Variants in PSMC3IP observed in about 807,000 individuals in gnomAD.
The protein encoded by PSMC3IP is homologous-pairing protein 2 homolog.
A neutral mutation model predicts 34.9 loss-of-function variants in PSMC3IP; 26 were observed. That is an observed-to-expected ratio of 0.74 (90% CI 0.55 to 1.03). PSMC3IP has a LOEUF of 1.03. Ranked by LOEUF, PSMC3IP falls within the 50% of genes least tolerant of loss-of-function variation. The probability of loss-of-function intolerance (pLI) is 0.00; values close to 1 mark genes in which losing one functional copy is unlikely to be tolerated. For missense variants in PSMC3IP, 250 were observed against 263.1 expected (o/e 0.95, Z 0.34); for synonymous variants, 87 against 96.5 (o/e 0.90, Z 0.57).
intron 4 of PSMC3IP, 132 bp from the exon 5 acceptor site, chr17:42,573,755 ATTAT>A (rs2093053618): frequency 1.3e-6 from 2 of 1,506,180 alleles, no homozygotes; most frequent in Non-Finnish European, 1.8e-6. Flanking sequence ...GCCATACAGG[ATTAT>A]TTATTCTTCT....
At chr17:42,574,391 C>A in intron 3 of PSMC3IP, 181 bp from the exon 4 acceptor site, 1 of 1,405,238 alleles carries the variant, frequency 7.1e-7, no homozygotes, top group South Asian at 1.4e-5. Flanking sequence ...AGGAGCGGCC[C>A]CACTAAAAAG....
chr17:42,573,472 G>A lies in PSMC3IP; in HGVS notation c.483+6C>T, dbSNP rs201417567. The A allele has an allele frequency of 4.2e-4, 685 of 1,614,236 alleles. 1 individual carries two copies. Among genetic ancestry groups the A allele is most frequent in the Admixed American group, 1.9e-3 (116 of 60,030 alleles). ...TGCACAGCGGTCCTACAGCCTTCCA[G>A]CTCACCTGCTCTTTCTCTTCTGGAG... On this transcript the variant is annotated splice_donor_region_variant and intron_variant, in intron 5 of 7. Coordinates refer to ENST00000393795, the MANE Select transcript of PSMC3IP (RefSeq NM_016556.4).
Position 42,572,916 on chromosome 17 carries a change from A to C in PSMC3IP, c.*52T>G. On this transcript the variant is annotated 3_prime_UTR_variant, in exon 8 of 8. Coordinates refer to ENST00000393795, the MANE Select transcript of PSMC3IP (RefSeq NM_016556.4). ...AAAAACAAGGTAGCCAGTGCAAGAC[A>C]TCTCACTCTTCTGACATCCTGCAGT... 1 of 1,594,954 alleles carries C rather than the reference A, an allele frequency of 6.3e-7. No individual in the cohort carries two copies. The highest frequency in any genetic ancestry group is 8.6e-7 in the Non-Finnish European group (1 of 1,163,740).
At position 42,576,785 on chromosome 17, in the gene PSMC3IP, G is replaced by C. The variant is rs115270305; in HGVS notation, c.225+428C>G. 593 of 283,272 alleles carry C rather than the reference G, an allele frequency of 2.1e-3. 3 individuals are homozygous for C. The highest frequency in any genetic ancestry group is 0.012 in the African/African-American group (560 of 45,476). 17.5% of individuals were successfully genotyped at this position (283,272 alleles called of 1,614,324 possible). ...TGTTAGAAAGAAACCAGTCCGGGGT[G>C]GGGGGAAGATGAGGCATTCTACTGT... On this transcript the variant is annotated intron_variant, in intron 3 of 7. Coordinates refer to ENST00000393795, the MANE Select transcript of PSMC3IP (RefSeq NM_016556.4).
At chr17:42,574,069 G>GGACTTAGGTAGGGACTTAGGA (rs2093056372) in intron 4 of PSMC3IP, 30 bp downstream of exon 4, 3 of 1,613,202 alleles carry the variant, frequency 1.9e-6, no homozygotes, top group Non-Finnish European at 8.5e-7. Context: ...CTAAGCCTAT[G>GGACTTAGGTAGGGACTTAGGA]GGCACTTTGG....
chr17:42,576,926 T>A (rs1319922555), intron 3 of PSMC3IP: 1 of 481,158 alleles, frequency 2.1e-6, no homozygotes, highest in East Asian at 5.2e-5. Flanking sequence ...GGAACATCAT[T>A]TGGCAGAGGG....
rs1567911595 is a variant in PSMC3IP at position 42,572,881 on chromosome 17, A to C, written c.*87T>G. On this transcript the variant is annotated 3_prime_UTR_variant, in exon 8 of 8. Transcript: ENST00000393795. ...GGTGAAAGTAGCAGGAACAACAACA[A>C]AAGCCAACCAAAAACAAGGTAGCCA... 1 of 1,507,740 alleles carries C rather than the reference A, an allele frequency of 6.6e-7. No homozygotes were observed. 93.4% of individuals were successfully genotyped at this position (1,507,740 alleles called of 1,614,324 possible).
At chr17:42,573,763 T>A in intron 4 of PSMC3IP, 140 bp from the exon 5 acceptor site, 3 of 1,497,150 alleles carry the variant, frequency 2.0e-6, no homozygotes, top group Non-Finnish European at 2.7e-6. Context: ...GGATTATTTA[T>A]TCTTCTAATT....
rs758608102 is a variant in PSMC3IP, at chr17:42,573,366, T to C, written c.484-2A>G. On this transcript the variant is annotated splice_acceptor_variant, in intron 5 of 7. Coordinates refer to ENST00000393795, the MANE Select transcript of PSMC3IP (RefSeq NM_016556.4). LOFTEE classifies it high-confidence loss of function. ...GTACTTCTGCCTCTCTCTGTACACC[T>C]AGAAGGAAAAAGCAAGTTCCTCTAA... 1 of 1,614,138 alleles carries C rather than the reference T, an allele frequency of 6.2e-7. No homozygotes were observed. Among genetic ancestry groups the C allele is most frequent in the Admixed American group, 1.7e-5 (1 of 60,016 alleles).
chr17:42,573,383 T>C lies in PSMC3IP; in HGVS notation c.484-19A>G, dbSNP rs2093049747. 6.2e-7 allele frequency: 1 copy of C among 1,614,186 alleles called. No homozygotes were observed. Among genetic ancestry groups the C allele is most frequent in the Non-Finnish European group, 8.5e-7 (1 of 1,180,022 alleles). Reference sequence around the variant, plus strand: ...TGTACACCTAGAAGGAAAAAGCAAGTTCCTCTAACTCCTCAGAACCACAGC... The same window carrying C: ...TGTACACCTAGAAGGAAAAAGCAAGCTCCTCTAACTCCTCAGAACCACAGC... On this transcript the variant is annotated intron_variant, in intron 5 of 7. Transcript: ENST00000393795.
Position 42,572,543 on chromosome 17 carries a change from C to T in PSMC3IP, c.*425G>A, listed in dbSNP as rs547697082. 128 of 453,742 alleles carry T rather than the reference C, an allele frequency of 2.8e-4. No individual in the cohort carries two copies. The highest frequency in any genetic ancestry group is 1.9e-3 in the South Asian group (121 of 64,220). The allele number at this position is 453,742 out of a possible 1,614,324, so 28.1% of individuals were successfully genotyped here. ...CAAGCCCAGCAGGTCCTGAGTGAAGCCGTGGGCCCTCCAAATGCTCGTTTT... is the reference window on the plus strand; with the variant it reads ...CAAGCCCAGCAGGTCCTGAGTGAAGTCGTGGGCCCTCCAAATGCTCGTTTT... On this transcript the variant is annotated 3_prime_UTR_variant, in exon 8 of 8. Coordinates refer to ENST00000393795, the MANE Select transcript of PSMC3IP (RefSeq NM_016556.4).
chr17:42,573,473 C>T lies in PSMC3IP; in HGVS notation c.483+5G>A. The T allele has an allele frequency of 1.3e-5, 21 of 1,614,284 alleles. No individual in the cohort carries two copies. Among genetic ancestry groups the T allele is most frequent in the Non-Finnish European group, 1.8e-5 (21 of 1,180,052 alleles). ...GCACAGCGGTCCTACAGCCTTCCAGCTCACCTGCTCTTTCTCTTCTGGAGT... is the reference window on the plus strand; with the variant it reads ...GCACAGCGGTCCTACAGCCTTCCAGTTCACCTGCTCTTTCTCTTCTGGAGT... On this transcript the variant is annotated splice_donor_5th_base_variant and intron_variant, in intron 5 of 7. Coordinates refer to ENST00000393795, the MANE Select transcript of PSMC3IP (RefSeq NM_016556.4).
chr17:42,573,792 A>G, intron 4 of PSMC3IP, 169 bp from the exon 5 acceptor site: 1 of 1,514,082 alleles, frequency 6.6e-7, no homozygotes, highest in Non-Finnish European at 8.8e-7. Flanking sequence ...TCCTCCATCT[A>G]CAAGTGGCGT....
At position 42,577,373 on chromosome 17, in the gene PSMC3IP, TG is replaced by T. The variant is rs1261802048; in HGVS notation, c.136-72del. The T allele has an allele frequency of 4.4e-6, 7 of 1,608,198 alleles. No individual in the cohort carries two copies. The Admixed American group carries it at 1.2e-4, about 27-fold the overall frequency. ...GTCTGGGGAAATCCAGCCAGTGATG[TG>T]GAAAACGCCCAAGGCTCCAAAGGGC... On this transcript the variant is annotated intron_variant, in intron 2 of 7. Transcript: ENST00000393795.
intron 2 of PSMC3IP, 37 bp downstream of exon 2, chr17:42,577,424 G>T: frequency 6.2e-7 from 1 of 1,611,114 alleles, no homozygotes; most frequent in Admixed American, 1.7e-5. Context: ...AATCCAGGGA[G>T]TCCGACGGAG....
chr17:42,574,503 C>A (rs1252186090), intron 3 of PSMC3IP, among the ~76,000 whole-genome samples: 1 of 152,228 alleles, frequency 6.6e-6, no homozygotes, highest in Non-Finnish European at 1.5e-5. Context: ...AAAACCACTA[C>A]CTGGGCTGAA....
At chr17:42,573,671 TTC>T (rs1346553723) in intron 4 of PSMC3IP, 48 bp from the exon 5 acceptor site, 1 of 1,603,404 alleles carries the variant, frequency 6.2e-7, no homozygotes, top group Admixed American at 1.7e-5. Flanking sequence ...GAGGAAGGAG[TTC>T]TGTCTTTCCC....
intron 2 of PSMC3IP, 57 bp downstream of exon 2, chr17:42,577,404 C>A: frequency 6.2e-7 from 1 of 1,610,222 alleles, no homozygotes; most frequent in Non-Finnish European, 8.5e-7. Context: ...AAGGGCACGA[C>A]CCCAGCCTGA....
At chr17:42,574,692 T>TC (rs377651202) in intron 3 of PSMC3IP, among the ~76,000 whole-genome samples, 15 of 151,382 alleles carry the variant, frequency 9.9e-5, no homozygotes, top group African/African-American at 3.7e-4. Flanking sequence ...CTTCCTTCCT[T>TC]CCTTTTTCCT....
Sources: allele counts gnomAD v4.1 joint callset (sites outside exome capture counted in the v4.1 genomes callset), GRCh38; gene constraint gnomAD v4.1.1; transcripts MANE v1.5; gene names NCBI Gene and HGNC (gene_info 2026-07-23, HGNC 2026-07-21).